Variants in IRAK1BP1 observed in about 807,000 individuals in gnomAD.
IRAK1BP1 encodes the protein interleukin-1 receptor-associated kinase 1-binding protein 1.
In IRAK1BP1, 24 loss-of-function variants were observed where a neutral mutation model predicts 28.0. That is an observed-to-expected ratio of 0.86 (90% CI 0.62 to 1.20). The LOEUF is 1.20. Among genes scored for constraint, IRAK1BP1 ranks in the 50% most tolerant of loss-of-function variants. The pLI, the probability that IRAK1BP1 is intolerant of heterozygous loss-of-function variation, is 0.00. For missense variants in IRAK1BP1, 336 were observed against 316.7 expected (o/e 1.06, Z -0.46); for synonymous variants, 131 against 116.3 (o/e 1.13, Z -0.81).
chr6:78,876,802 C>T (rs982226017), intron 1 of IRAK1BP1, among the ~76,000 whole-genome samples: 3 of 152,158 alleles, frequency 2.0e-5, no homozygotes, highest in African/African-American at 7.2e-5. Context: ...TCCTCTTCCC[C>T]AGCTGTGACA....
chr6:78,895,523 T>A (rs959262065), intron 2 of IRAK1BP1, among the ~76,000 whole-genome samples: 3 of 152,166 alleles, frequency 2.0e-5, no homozygotes, highest in Non-Finnish European at 4.4e-5. Flanking sequence ...ACACGTATCC[T>A]TTACATGCAG....
the IRAK1BP1 span, among the ~76,000 whole-genome samples, chr6:78,962,184 C>T: frequency 3.9e-5 from 6 of 152,078 alleles, no homozygotes; most frequent in Non-Finnish European, 8.8e-5. Flanking sequence ...CAAATCTAAC[C>T]TTTGACTTTC....
intron 4 of IRAK1BP1, chr6:78,941,227 T>A: frequency 6.2e-7 from 1 of 1,613,982 alleles, no homozygotes; most frequent in African/African-American, 1.3e-5. Context: ...TAACTTCTAC[T>A]TTAGGTTTCC....
intron 1 of IRAK1BP1, among the ~76,000 whole-genome samples, chr6:78,878,193 C>T (rs545395623): frequency 6.6e-6 from 1 of 152,294 alleles, no homozygotes; most frequent in South Asian, 2.1e-4. Context: ...CAGACTGCCT[C>T]CTCAAGAGGG....
chr6:78,921,139 A>G (rs970332395), intron 4 of IRAK1BP1, among the ~76,000 whole-genome samples: 2 of 152,210 alleles, frequency 1.3e-5, no homozygotes, highest in African/African-American at 4.8e-5. Flanking sequence ...TGCCTCACCC[A>G]GGAAGTGCAA....
chr6:78,964,642 G>A, the IRAK1BP1 span, among the ~76,000 whole-genome samples: 7 of 151,962 alleles, frequency 4.6e-5, no homozygotes, highest in East Asian at 3.9e-4. Context: ...ACAGGCACAC[G>A]CCACCACGCC....
At chr6:78,960,455 T>C in the IRAK1BP1 span, among the ~76,000 whole-genome samples, 69 of 152,042 alleles carry the variant, frequency 4.5e-4, no homozygotes, top group East Asian at 9.8e-3. Flanking sequence ...AATTCCTTTT[T>C]TTTTTTTTTT....
At chr6:78,930,528 T>A (rs1773015191) in intron 4 of IRAK1BP1, among the ~76,000 whole-genome samples, 1 of 152,166 alleles carries the variant, frequency 6.6e-6, no homozygotes, top group Non-Finnish European at 1.5e-5. Flanking sequence ...TAAATTACCA[T>A]CCTTTCAGTT....
chr6:78,951,247 A>G (rs1172251036), downstream of IRAK1BP1, among the ~76,000 whole-genome samples: 1 of 152,184 alleles, frequency 6.6e-6, no homozygotes, highest in Non-Finnish European at 1.5e-5. Context: ...TTATTTATGT[A>G]GAATACTTAA....
At chr6:78,932,719 TACA>T (rs1314640375) in intron 4 of IRAK1BP1, among the ~76,000 whole-genome samples, 5 of 152,242 alleles carry the variant, frequency 3.3e-5, no homozygotes, top group African/African-American at 7.2e-5. Flanking sequence ...GTGCTTGGCC[TACA>T]ACATGTATTT....
downstream of IRAK1BP1, among the ~76,000 whole-genome samples, chr6:78,951,259 T>C (rs114362410): frequency 7.2e-3 from 1,100 of 152,292 alleles, 13 homozygotes; most frequent in African/African-American, 0.025. Context: ...AATACTTAAT[T>C]TTTCTTGGCT....
intron 4 of IRAK1BP1, among the ~76,000 whole-genome samples, chr6:78,933,227 A>G (rs1000269749): frequency 3.9e-5 from 6 of 152,222 alleles, no homozygotes; most frequent in Middle Eastern, 3.2e-3. Context: ...AAATTTGTAT[A>G]GATTTTCATC....
rs184553023 is a variant in IRAK1BP1 at position 78,945,896 on chromosome 6, G to A, written c.*556G>A. ...ATTAATAAAGAAGGCAAAAACAACA[G>A]TGTCTGCTAGGAATTACTAAAACTC... On this transcript the variant is annotated 3_prime_UTR_variant and NMD_transcript_variant, in exon 5 of 5. Coordinates refer to the IRAK1BP1 transcript ENST00000606868. 9.3e-5 allele frequency: 73 copies of A among 785,828 alleles called. No homozygotes were observed. In the African/African-American group the frequency reaches 1.2e-3, roughly 13 times the overall value. 48.7% of individuals were successfully genotyped at this position (785,828 alleles called of 1,614,324 possible). A position where few individuals can be genotyped will look rare whatever the true frequency, so the allele number is the denominator to read the frequency against.
chr6:78,972,384 C>T, the IRAK1BP1 span, among the ~76,000 whole-genome samples: 3 of 152,160 alleles, frequency 2.0e-5, no homozygotes, highest in Non-Finnish European at 4.4e-5. Flanking sequence ...CTGTACATCA[C>T]CATCATCAAA....
chr6:78,954,589 G>C, the IRAK1BP1 span, among the ~76,000 whole-genome samples: 1 of 151,980 alleles, frequency 6.6e-6, no homozygotes, highest in Admixed American at 6.6e-5. Context: ...CAACTAGTAG[G>C]AACAGAATAA....
rs1772030470 is a variant in IRAK1BP1 at position 78,899,747 on chromosome 6, A to G, written c.*1413A>G. ...CGTGAGCCACTGCATCTGGCCCTGTACGCACATTTTTAAAAATAAAACTTT... is the reference window on the plus strand; with the variant it reads ...CGTGAGCCACTGCATCTGGCCCTGTGCGCACATTTTTAAAAATAAAACTTT... On this transcript the variant is annotated 3_prime_UTR_variant, in exon 4 of 4. Coordinates refer to ENST00000369940, the MANE Select transcript of IRAK1BP1 (RefSeq NM_001010844.4). The G allele has an allele frequency of 6.6e-6, 1 of 152,140 alleles. No individual in the cohort carries two copies. Among genetic ancestry groups the G allele is most frequent in the Non-Finnish European group, 1.5e-5 (1 of 68,026 alleles). The allele number at this position is 152,140 out of a possible 1,614,324, so 9.4% of individuals were successfully genotyped here.
At chr6:78,909,034 C>T (rs1161110071) in intron 4 of IRAK1BP1, among the ~76,000 whole-genome samples, 1 of 152,096 alleles carries the variant, frequency 6.6e-6, no homozygotes, top group East Asian at 1.9e-4. Flanking sequence ...CATGAAAGGC[C>T]AGTCTTGGGA....
chr6:78,909,021 T>C (rs1205490234), intron 4 of IRAK1BP1, among the ~76,000 whole-genome samples: 1 of 152,078 alleles, frequency 6.6e-6, no homozygotes, highest in Non-Finnish European at 1.5e-5. Flanking sequence ...TGAGGAGTAA[T>C]AGCATGAAAG....
chr6:78,977,473 T>G, the IRAK1BP1 span, among the ~76,000 whole-genome samples: 1 of 152,088 alleles, frequency 6.6e-6, no homozygotes, highest in Non-Finnish European at 1.5e-5. Context: ...CATGTATACG[T>G]ATGTAACTAA....
Sources: gnomAD v4.1 joint callset for allele counts (sites outside exome capture counted in the v4.1 genomes callset) on GRCh38, gnomAD v4.1.1 for gene constraint, MANE v1.5 for transcripts, NCBI Gene and HGNC (gene_info 2026-07-23, HGNC 2026-07-21) for gene names.